The following USP9X variants were observed in gnomAD, a reference collection of about 807,000 sequenced individuals.
USP9X encodes the protein ubiquitin carboxyl-terminal hydrolase 9X.
A neutral mutation model predicts 190.3 loss-of-function variants in USP9X; 7 were observed. The ratio of observed to expected loss-of-function variants is 0.04; its 90% CI spans 0.02 to 0.07. USP9X has a LOEUF of 0.07. USP9X is among the 10% of genes least tolerant of loss of function. The pLI is 1.00. For synonymous variants in USP9X, 645 were observed against 659.5 expected, an observed-to-expected ratio of 0.98 and a Z score of 0.34; for missense variants, 1,010 against 1,916.9, an observed-to-expected ratio of 0.53 and a Z score of 8.83.
In USP9X at chrX:41,102,273, A is replaced by G. The variant is rs758623965; in HGVS notation, c.-159+16164A>G. Among the ~76,000 whole-genome samples the G allele has an allele frequency of 1.0e-3, 117 of 111,752 alleles. 1 individual carries two copies. Among genetic ancestry groups the G allele is most frequent in the Non-Finnish European group, 1.9e-3 (102 of 53,192 alleles). The stretch of plus-strand genomic sequence containing the variant: ...ATTCTTTACATTTATGATTTAACCA[A>G]TCTGGTTTTGGAAGATACAGGCAGA... On this transcript the variant is annotated intron_variant, in intron 1 of 44. Coordinates refer to ENST00000378308, the MANE Select transcript of USP9X (RefSeq NM_001039591.3).
rs2062687733 is a variant in USP9X, at chrX:41,167,514, C to T, written c.2361C>T (p.Ser787=). The change falls in exon 17 of 45, where the codon AGC becomes AGT. Residue 787 remains serine (S), a synonymous_variant. Coordinates refer to ENST00000378308, the MANE Select transcript of USP9X (RefSeq NM_001039591.3). ...VVIQSNDDIA[S]RAIDLLKEIY... ...TTCAGAGTAATGATGATATTGCCAG[C>T]AGAGCTATAGATCTCCTCAAAGAGA... 8.3e-7 allele frequency: 1 copy of T among 1,207,500 alleles called. No homozygotes were observed. Among genetic ancestry groups the T allele is most frequent in the East Asian group, 3.0e-5 (1 of 33,636 alleles).
intron 33 of USP9X, 116 bp downstream of exon 33, chrX:41,210,798 C>G (rs1439843566): frequency 4.0e-6 from 3 of 743,381 alleles, no homozygotes; most frequent in Non-Finnish European, 5.7e-6. Flanking sequence ...TACTAAATAC[C>G]TGAAACAGAA....
intron 4 of USP9X, 94 bp downstream of exon 4, chrX:41,131,630 C>A: frequency 1.3e-6 from 1 of 764,692 alleles, no homozygotes; most frequent in Non-Finnish European, 1.9e-6. Flanking sequence ...TGTTTTCCTC[C>A]ATCATAAACA....
At position 41,216,509 on chromosome X, in the gene USP9X, T is replaced by C. The variant is rs1469043708; in HGVS notation, c.5942T>C (p.Ile1981Thr). 12 of 1,209,329 alleles carry C rather than the reference T, an allele frequency of 9.9e-6. No homozygotes were observed. Among genetic ancestry groups the C allele is most frequent in the Non-Finnish European group, 1.3e-5 (12 of 895,134 alleles). Reference protein sequence around the residue: ...ELAITTRPHQIIMPSAIERSV... With the variant: ...ELAITTRPHQTIMPSAIERSV... ...GCTATCACCACCAGACCTCATCAGA[T>C]TATTATGCCATCAGCCATTGAGAGA... is the stretch of plus-strand genomic sequence containing the variant. Residue 1981 changes from isoleucine (I) to threonine (T), a missense_variant, in exon 35 of 45, where the codon ATT becomes ACT. By Grantham distance (89) the Ile-to-Thr change is moderately conservative. This residue lies in a region of USP9X where 31 missense variants were observed against 27.2 expected (regional missense o/e 1.14). Transcript: ENST00000378308.
At chrX:41,228,377 C>T (rs1328710639) in intron 41 of USP9X, among the ~76,000 whole-genome samples, 1 of 111,827 alleles carries the variant, frequency 8.9e-6, no homozygotes, top group African/African-American at 3.3e-5. Flanking sequence ...GACTAGTTGG[C>T]TTTGTATTAT....
intron 43 of USP9X, among the ~76,000 whole-genome samples, 173 bp from the exon 44 acceptor site, chrX:41,230,324 GTTTT>G (rs1188750458): frequency 1.2e-5 from 1 of 82,682 alleles, no homozygotes; most frequent in African/African-American, 4.4e-5. Context: ...TGCAAATCAG[GTTTT>G]TTGTTTTGTT....
chrX:41,093,788 TTAAG>T (rs2061970006), intron 1 of USP9X, among the ~76,000 whole-genome samples: 1 of 111,951 alleles, frequency 8.9e-6, no homozygotes, highest in African/African-American at 3.3e-5. Context: ...GAAATAGGAA[TTAAG>T]TGAGGCAAAT....
At chrX:41,211,033 C>G (rs942317252) in intron 33 of USP9X, among the ~76,000 whole-genome samples, 3 of 108,283 alleles carry the variant, frequency 2.8e-5, no homozygotes, top group African/African-American at 1.0e-4. Flanking sequence ...TCTTTGTTGC[C>G]TAGGCTGGAG....
At chrX:41,205,633 GTTT>G (rs372217330) in intron 32 of USP9X, 140 bp downstream of exon 32, 836 of 337,281 alleles carry the variant, frequency 2.5e-3, no homozygotes, top group East Asian at 3.3e-3. Flanking sequence ...AATTGGGTGG[GTTT>G]TTTTTTTTTT....
At chrX:41,125,550 A>T (rs1434616839) in intron 2 of USP9X, among the ~76,000 whole-genome samples, 1 of 104,140 alleles carries the variant, frequency 9.6e-6, no homozygotes, top group Non-Finnish European at 2.0e-5. Flanking sequence ...ATGCCTCCTT[A>T]TTTCTGATAT....
intron 14 of USP9X, among the ~76,000 whole-genome samples, chrX:41,161,329 CTTTTTTT>C (rs1158519140): frequency 5.0e-3 from 161 of 32,445 alleles, no homozygotes; most frequent in African/African-American, 0.022. Flanking sequence ...GAATTCTTGC[CTTTTTTT>C]TTTTTTTTTT....
At chrX:41,091,790 T>TA (rs2061957012) in intron 1 of USP9X, among the ~76,000 whole-genome samples, 1 of 111,640 alleles carries the variant, frequency 9.0e-6, no homozygotes, top group Non-Finnish European at 1.9e-5. Flanking sequence ...TAGCATGCCA[T>TA]AGACTACCTT....
rs755864493 is a variant in USP9X, at chrX:41,188,144, CT to C, written c.3810+29del. ...TAAGAATTATCACAGAACTATATTC[CT>C]TGTAAACAAATGTTTCTTAATTGTG... On this transcript the variant is annotated intron_variant, in intron 25 of 44. Transcript: ENST00000378308. 10 of 1,156,957 alleles carry C rather than the reference CT, an allele frequency of 8.6e-6. No individual in the cohort carries two copies. In the Admixed American group the frequency reaches 2.4e-4, roughly 27 times the overall value.
chrX:41,125,684 A>ACACACACACTCTCTCTCTCTCTCTCT, intron 2 of USP9X, among the ~76,000 whole-genome samples: 2 of 19,021 alleles, frequency 1.1e-4, no homozygotes, highest in Non-Finnish European at 9.0e-5. Flanking sequence ...ACACACACAC[A>ACACACACACTCTCTCTCTCTCTCTCT]CTCTCTCTCT....
At chrX:41,153,408 G>T (rs1402546780) in intron 14 of USP9X, among the ~76,000 whole-genome samples, 2 of 111,657 alleles carry the variant, frequency 1.8e-5, no homozygotes, top group Non-Finnish European at 3.8e-5. Context: ...TTTTTAAAAG[G>T]AAACTTGTTT....
At chrX:41,194,649 T>G (rs1228743186) in intron 26 of USP9X, among the ~76,000 whole-genome samples, 2 of 111,878 alleles carry the variant, frequency 1.8e-5, no homozygotes, top group African/African-American at 6.5e-5. Flanking sequence ...TTGTGATGTC[T>G]ATAAGATATT....
intron 1 of USP9X, among the ~76,000 whole-genome samples, chrX:41,096,061 T>C (rs2061988816): frequency 8.9e-6 from 1 of 112,332 alleles, no homozygotes; most frequent in African/African-American, 3.2e-5. Flanking sequence ...TCCAATTCCC[T>C]TTCCTCACTG....
intron 30 of USP9X, 57 bp downstream of exon 30, chrX:41,198,807 T>A (rs1423481149): frequency 9.6e-7 from 1 of 1,036,829 alleles, no homozygotes; most frequent in Admixed American, 3.0e-5. Flanking sequence ...AAAGTTGTTT[T>A]CCTGTTTTTC....
chrX:41,235,092 G>A lies in USP9X; in HGVS notation c.*2568G>A, dbSNP rs983130725. ...AGGCTGTGAATTTTTCTGCTTGGAG[G>A]AAGAGCCCAACCTTGGTTGCTTTGA... On this transcript the variant is annotated 3_prime_UTR_variant, in exon 45 of 45. Transcript: ENST00000378308. The A allele has an allele frequency of 8.9e-6, 1 of 111,785 alleles. No individual in the cohort carries two copies. Among genetic ancestry groups the A allele is most frequent in the African/African-American group, 3.3e-5 (1 of 30,637 alleles). The allele number at this position is 111,785 out of a possible 1,213,427, so 9.2% of individuals were successfully genotyped here.
Sources: gnomAD v4.1 joint callset for allele counts (sites outside exome capture counted in the v4.1 genomes callset) on GRCh38, gnomAD v4.1.1 for gene constraint, gnomAD v4.1.1 regional missense constraint, MANE v1.5 for transcripts, NCBI Gene and HGNC (gene_info 2026-07-23, HGNC 2026-07-21) for gene names.